Variants in GRID2 observed in about 807,000 individuals in gnomAD.
The protein encoded by GRID2 is glutamate receptor ionotropic, delta-2.
GRID2 carries 33 observed loss-of-function variants against 114.8 expected under a neutral mutation model. That is an observed-to-expected ratio of 0.29 (90% confidence interval 0.22 to 0.38). The LOEUF (loss-of-function observed/expected upper bound fraction) is 0.38, where lower values mean the gene tolerates loss of function less well. GRID2 is among the 10% of genes least tolerant of loss of function. GRID2 has a pLI of 1.00. For synonymous variants in GRID2, 505 were observed against 449.9 expected (o/e 1.12, Z -1.55); for missense variants, 1,184 against 1,257.7 (o/e 0.94, Z 0.89).
chr4:93,649,180 C>T (rs1053692195), intron 14 of GRID2, among the ~76,000 whole-genome samples: 43 of 152,070 alleles, frequency 2.8e-4, no homozygotes, highest in African/African-American at 8.7e-4. Context: ...TTTTTAAAAT[C>T]GTTCTGTGCC....
At position 92,498,210 on chromosome 4, in the gene GRID2, G is replaced by A. The variant is rs574025326; in HGVS notation, c.89-91921G>A. Among the ~76,000 whole-genome samples the A allele has an allele frequency of 4.6e-5, 7 of 151,910 alleles. No homozygotes were observed. The South Asian group carries it at 1.4e-3, about 31-fold the overall frequency. On this transcript the variant is annotated intron_variant, in intron 1 of 15. Coordinates refer to ENST00000282020, the MANE Select transcript of GRID2 (RefSeq NM_001510.4). Reference sequence around the variant, plus strand: ...TTGTTGCTTTAAGTATTATTATAAGGTAGCACAAGGGGAATAATGTGATTG... The same window carrying A: ...TTGTTGCTTTAAGTATTATTATAAGATAGCACAAGGGGAATAATGTGATTG...
chr4:93,678,927 A>G (rs565170914), intron 14 of GRID2, among the ~76,000 whole-genome samples: 11 of 149,796 alleles, frequency 7.3e-5, no homozygotes, highest in Non-Finnish European at 1.2e-4. Context: ...ACACATAACA[A>G]TATTAACTTT....
At chr4:93,443,993 A>G (rs1013730928) in intron 10 of GRID2, among the ~76,000 whole-genome samples, 64 of 151,956 alleles carry the variant, frequency 4.2e-4, no homozygotes, top group African/African-American at 1.5e-3. Flanking sequence ...ACAGAAGACT[A>G]CGAAGATAAA....
chr4:93,166,520 T>C (rs1339539422), intron 4 of GRID2, among the ~76,000 whole-genome samples: 2 of 152,210 alleles, frequency 1.3e-5, no homozygotes, highest in East Asian at 3.8e-4. Context: ...TAATGAAACT[T>C]AGTAAACATA....
chr4:92,834,856 A>G (rs1344090870), intron 2 of GRID2, among the ~76,000 whole-genome samples: 1 of 152,118 alleles, frequency 6.6e-6, no homozygotes, highest in Non-Finnish European at 1.5e-5. Flanking sequence ...GTGAAAAGAC[A>G]CGTGCAGAAT....
At chr4:93,453,761 T>C (rs1722937564) in intron 10 of GRID2, among the ~76,000 whole-genome samples, 1 of 152,108 alleles carries the variant, frequency 6.6e-6, no homozygotes, top group South Asian at 2.1e-4. Flanking sequence ...TCAGGTGGAA[T>C]TTTCTGACTT....
chr4:92,564,790 C>G (rs1353646386), intron 1 of GRID2, among the ~76,000 whole-genome samples: 1 of 151,840 alleles, frequency 6.6e-6, no homozygotes, highest in Non-Finnish European at 1.5e-5. Context: ...ATAATAAAGC[C>G]AAACTATTTG....
intron 4 of GRID2, among the ~76,000 whole-genome samples, chr4:93,201,856 A>G (rs1053759745): frequency 6.6e-6 from 1 of 152,216 alleles, no homozygotes; most frequent in Non-Finnish European, 1.5e-5. Flanking sequence ...CAGAAGTTCT[A>G]AAGTTCCTGC....
chr4:92,983,891 T>A (rs1005531063), intron 2 of GRID2, among the ~76,000 whole-genome samples: 2 of 152,222 alleles, frequency 1.3e-5, no homozygotes, highest in Admixed American at 1.3e-4. Flanking sequence ...TTAGGTCTAG[T>A]GAACTAATAG....
rs1727800038 is a variant in GRID2, at chr4:93,061,436, C to G, written c.245-23559C>G. Among the ~76,000 whole-genome samples, 3 of 151,782 alleles carry G rather than the reference C, an allele frequency of 2.0e-5. No individual in the cohort carries two copies. The South Asian group carries it at 6.2e-4, about 32-fold the overall frequency. ...ATCCTGGCTACTAGCATTCCATTGA[C>G]TATAGTAAGTCATATGGCCAAGCTT... On this transcript the variant is annotated intron_variant, in intron 2 of 15. Transcript: ENST00000282020.
At chr4:93,443,048 C>T (rs980862010) in intron 10 of GRID2, among the ~76,000 whole-genome samples, 3 of 151,932 alleles carry the variant, frequency 2.0e-5, no homozygotes, top group Non-Finnish European at 4.4e-5. Context: ...AATATAAATA[C>T]GATCACTTCT....
At chr4:92,739,906 C>T (rs1736787956) in intron 2 of GRID2, among the ~76,000 whole-genome samples, 1 of 151,928 alleles carries the variant, frequency 6.6e-6, no homozygotes. Context: ...ATAATCAATC[C>T]AATTAAGTAT....
At chr4:92,491,363 T>C (rs140326448) in intron 1 of GRID2, among the ~76,000 whole-genome samples, 4 of 152,274 alleles carry the variant, frequency 2.6e-5, no homozygotes, top group East Asian at 1.9e-4. Context: ...GTGCTGGATA[T>C]TGATGCTTTT....
At chr4:93,292,295 C>T (rs140119350) in intron 8 of GRID2, among the ~76,000 whole-genome samples, 1 of 152,274 alleles carries the variant, frequency 6.6e-6, no homozygotes, top group African/African-American at 2.4e-5. Flanking sequence ...CTGTGTCTTG[C>T]ACATTATCTA....
chr4:92,316,198 G>A (rs1725971472), intron 1 of GRID2, among the ~76,000 whole-genome samples: 2 of 151,700 alleles, frequency 1.3e-5, no homozygotes, highest in South Asian at 4.2e-4. Flanking sequence ...TCTGTGAATG[G>A]AAATAACAGA....
At chr4:93,598,832 G>T (rs1397457058) in intron 13 of GRID2, among the ~76,000 whole-genome samples, 1 of 152,070 alleles carries the variant, frequency 6.6e-6, no homozygotes, top group East Asian at 1.9e-4. Flanking sequence ...GTGCATATCT[G>T]TGTGCAGAGA....
At chr4:92,354,695 C>T (rs1010953711) in intron 1 of GRID2, among the ~76,000 whole-genome samples, 5 of 151,794 alleles carry the variant, frequency 3.3e-5, no homozygotes, top group African/African-American at 1.2e-4. Context: ...AACTGTATGT[C>T]AATTATATAG....
At chr4:93,207,795 A>G (rs1340956771) in intron 5 of GRID2, among the ~76,000 whole-genome samples, 1 of 151,874 alleles carries the variant, frequency 6.6e-6, no homozygotes, top group Non-Finnish European at 1.5e-5. Context: ...CTTGTGTTCC[A>G]TTTATATTTT....
intron 1 of GRID2, among the ~76,000 whole-genome samples, chr4:92,328,324 T>C (rs769589722): frequency 6.6e-6 from 1 of 152,016 alleles, no homozygotes; most frequent in African/African-American, 2.4e-5. Context: ...ATGTGGACTT[T>C]ATCACTAAAG....
Sources: gnomAD v4.1 joint callset for allele counts (sites outside exome capture counted in the v4.1 genomes callset) on GRCh38, gnomAD v4.1.1 for gene constraint, MANE v1.5 for transcripts, NCBI Gene and HGNC (gene_info 2026-07-23, HGNC 2026-07-21) for gene names.